The following AHCY variants were observed in gnomAD, a reference collection of about 807,000 sequenced individuals.
AHCY encodes S-adenosyl-L-homocysteine hydrolase.
In AHCY, 24 loss-of-function variants were observed where a neutral mutation model predicts 45.4. That is an observed-to-expected ratio of 0.53 (90% CI 0.38 to 0.74). The LOEUF (loss-of-function observed/expected upper bound fraction) is 0.74. Ranked by LOEUF, AHCY falls within the 30% of genes least tolerant of loss-of-function variation. AHCY has a pLI of 0.00. For synonymous variants in AHCY, 245 were observed against 235.1 expected (o/e 1.04, Z -0.39); for missense variants, 449 against 594.1 (o/e 0.76, Z 2.54).
intron 1 of AHCY, among the ~76,000 whole-genome samples, chr20:34,308,539 G>T (rs910750725): frequency 1.3e-5 from 2 of 152,048 alleles, no homozygotes; most frequent in African/African-American, 2.4e-5. Context: ...GACAGAGAGA[G>T]ACTCTGTCTA....
the AHCY span, among the ~76,000 whole-genome samples, chr20:34,274,456 GCAAGAGACTCGGCCCAAGAGGTGTACC>G: frequency 6.6e-6 from 1 of 152,136 alleles, no homozygotes; most frequent in African/African-American, 2.4e-5. Flanking sequence ...CCAACACCTT[GCAAGAGACTCGGCCCAAGAGGTGTACC>G]CAACAGACTC....
chr20:34,237,854 T>A, the AHCY span, among the ~76,000 whole-genome samples: 11 of 152,338 alleles, frequency 7.2e-5, no homozygotes, highest in East Asian at 5.8e-4. Context: ...TGTTTTTTTT[T>A]ATCATGAAAT....
intron 3 of AHCY, chr20:34,293,751 G>A: frequency 2.5e-6 from 1 of 404,444 alleles, no homozygotes; most frequent in Admixed American, 3.6e-5. Flanking sequence ...CTCTTTTTCT[G>A]CCCCGTAGCC....
the AHCY span, among the ~76,000 whole-genome samples, chr20:34,264,036 C>G: frequency 6.6e-6 from 1 of 151,490 alleles, no homozygotes; most frequent in Non-Finnish European, 1.5e-5. Flanking sequence ...ATCTTGTTAC[C>G]TAGAAATATT....
At chr20:34,285,656 G>C in intron 8 of AHCY, 22 bp from the exon 9 acceptor site, 7 of 1,610,750 alleles carry the variant, frequency 4.3e-6, no homozygotes, top group Non-Finnish European at 5.1e-6. Context: ...CAGGGCAACA[G>C]TGAAGGCAGG....
chr20:34,238,115 C>A, the AHCY span, among the ~76,000 whole-genome samples: 2 of 152,116 alleles, frequency 1.3e-5, no homozygotes, highest in Non-Finnish European at 2.9e-5. Context: ...TATACCGTAT[C>A]TTTGTGTGGA....
chr20:34,269,104 C>T, the AHCY span: 1 of 1,566,546 alleles, frequency 6.4e-7, no homozygotes, highest in African/African-American at 1.4e-5. Context: ...ACCCGTGCGC[C>T]TCCTGCCAGT....
At chr20:34,233,078 C>T in the AHCY span, among the ~76,000 whole-genome samples, 1 of 151,860 alleles carries the variant, frequency 6.6e-6, no homozygotes, top group Admixed American at 6.6e-5. Context: ...CACCTTTTCT[C>T]CAATTCTTCC....
At chr20:34,292,258 T>C in intron 4 of AHCY, 100 bp downstream of exon 4, 1 of 1,433,348 alleles carries the variant, frequency 7.0e-7, no homozygotes. Flanking sequence ...ATCCTGCTGC[T>C]TGAGGTGATG....
intron 1 of AHCY, among the ~76,000 whole-genome samples, chr20:34,309,096 A>G (rs1047712411): frequency 6.7e-6 from 1 of 149,982 alleles, no homozygotes; most frequent in Non-Finnish European, 1.5e-5. Flanking sequence ...AATAAGTGGG[A>G]TTACAGGCAT....
chr20:34,288,887 A>T (rs996317634), intron 8 of AHCY, among the ~76,000 whole-genome samples: 2 of 152,170 alleles, frequency 1.3e-5, no homozygotes, highest in Admixed American at 1.3e-4. Context: ...ACCCCCTATA[A>T]GAACTCATCT....
chr20:34,309,442 G>A (rs773103621), intron 1 of AHCY, among the ~76,000 whole-genome samples: 3 of 152,094 alleles, frequency 2.0e-5, no homozygotes, highest in East Asian at 1.9e-4. Flanking sequence ...TGGAAGGATC[G>A]CTGGAGCCCA....
chr20:34,295,918 TC>T (rs1224750868), intron 1 of AHCY, among the ~76,000 whole-genome samples: 1 of 151,824 alleles, frequency 6.6e-6, no homozygotes, highest in Non-Finnish European at 1.5e-5. Flanking sequence ...CCTACCAACC[TC>T]CAGGCCACTC....
chr20:34,286,826 C>T (rs2036202863), intron 8 of AHCY, among the ~76,000 whole-genome samples: 1 of 106,616 alleles, frequency 9.4e-6, no homozygotes, highest in Non-Finnish European at 1.9e-5. Context: ...AAGAGCGAAA[C>T]TCCGTCTCAA....
At chr20:34,301,258 G>A (rs2036761919) in intron 1 of AHCY, among the ~76,000 whole-genome samples, 1 of 152,082 alleles carries the variant, frequency 6.6e-6, no homozygotes, top group South Asian at 2.1e-4. Context: ...ATGGGACAAT[G>A]GGTTATGCCC....
At position 34,290,033 on chromosome 20, in the gene AHCY, T is replaced by G. The variant is rs1215300743; in HGVS notation, c.972+299A>C. Among the ~76,000 whole-genome samples the G allele has an allele frequency of 6.6e-6, 1 of 152,156 alleles. No homozygotes were observed. The highest frequency in any genetic ancestry group is 1.5e-5 in the Non-Finnish European group (1 of 68,020). ...ATCCCCTGCAGGGATTCTACGAGCC[T>G]CCTCTAAAAGCCTCTCTCCCCACCA... On this transcript the variant is annotated intron_variant, in intron 8 of 9. Coordinates refer to ENST00000217426, the MANE Select transcript of AHCY (RefSeq NM_000687.4). The surrounding 1 kb of genome is among the most constrained non-coding windows in gnomAD (Gnocchi z 4.5).
the AHCY span, chr20:34,269,147 G>A: frequency 6.5e-7 from 1 of 1,547,136 alleles, no homozygotes; most frequent in Non-Finnish European, 8.7e-7. Flanking sequence ...CTCCTGCCGC[G>A]TGCTCAGCCT....
At chr20:34,299,084 C>T (rs2036683195) in intron 1 of AHCY, among the ~76,000 whole-genome samples, 1 of 152,104 alleles carries the variant, frequency 6.6e-6, no homozygotes, top group Non-Finnish European at 1.5e-5. Context: ...GGTAGTGGTC[C>T]CCCGGGCCCA....
chr20:34,298,613 G>T lies in AHCY; in HGVS notation c.29-3028C>A, dbSNP rs970153513. On this transcript the variant is annotated intron_variant, in intron 1 of 9. Coordinates refer to ENST00000217426, the MANE Select transcript of AHCY (RefSeq NM_000687.4). ...CTGGGAAGTGGCGGCGGCGGGAGGG[G>T]GGGGGGTGTCTCCCTTTCCCCAGGG... 1.7e-4 allele frequency among the ~76,000 whole-genome samples: 25 copies of T among 149,498 alleles called. 1 individual carries two copies. The highest frequency in any genetic ancestry group is 3.1e-4 in the African/African-American group (13 of 41,296).
Sources: allele counts gnomAD v4.1 joint callset (sites outside exome capture counted in the v4.1 genomes callset), GRCh38; gene constraint gnomAD v4.1.1; non-coding constraint Gnocchi (gnomAD v3.1); transcripts MANE v1.5; gene names NCBI Gene and HGNC (gene_info 2026-07-23, HGNC 2026-07-21).